The following EPHA3 variants were observed in gnomAD, a reference collection of about 807,000 sequenced individuals.
EPHA3 encodes the protein ephrin type-A receptor 3.
In EPHA3, 42 loss-of-function variants were observed where a neutral mutation model predicts 107.1. The ratio of observed to expected loss-of-function variants is 0.39; its 90% CI spans 0.31 to 0.51. EPHA3 has a LOEUF of 0.51. Ranked by LOEUF, EPHA3 falls within the 20% of genes least tolerant of loss-of-function variation. EPHA3 has a pLI of 0.78. For missense variants in EPHA3, 1,183 were observed against 1,211.2 expected (o/e 0.98, Z 0.35); for synonymous variants, 461 against 424.8 (o/e 1.09, Z -1.05).
intron 3 of EPHA3, among the ~76,000 whole-genome samples, chr3:89,315,710 C>T (rs1268014343): frequency 6.6e-6 from 1 of 151,396 alleles, no homozygotes; most frequent in African/African-American, 2.4e-5. Context: ...GCTGGATTTG[C>T]CTTGCAGTTA....
chr3:89,391,722 C>T (rs572722059), intron 5 of EPHA3, among the ~76,000 whole-genome samples: 13 of 151,976 alleles, frequency 8.6e-5, no homozygotes, highest in African/African-American at 3.1e-4. Context: ...CGTGAGCCAC[C>T]GCGCCCGGCC....
At chr3:89,474,304 A>G (rs1329547188) in intron 16 of EPHA3, among the ~76,000 whole-genome samples, 1 of 152,226 alleles carries the variant, frequency 6.6e-6, no homozygotes, top group East Asian at 1.9e-4. Flanking sequence ...ATGCACCAGC[A>G]TTCTTGTTCA....
intron 3 of EPHA3, among the ~76,000 whole-genome samples, chr3:89,278,825 G>A (rs1705872119): frequency 6.6e-6 from 1 of 152,134 alleles, no homozygotes; most frequent in Admixed American, 6.6e-5. Context: ...GCTAAAATGA[G>A]TGCAAATTAA....
intron 16 of EPHA3, among the ~76,000 whole-genome samples, chr3:89,476,920 G>A (rs928697386): frequency 1.1e-4 from 17 of 151,938 alleles, no homozygotes; most frequent in African/African-American, 4.1e-4. Context: ...GGAAAGGGAA[G>A]AGACAAAGGA....
intron 5 of EPHA3, among the ~76,000 whole-genome samples, chr3:89,380,517 C>A (rs1708480848): frequency 6.6e-6 from 1 of 152,098 alleles, no homozygotes; most frequent in African/African-American, 2.4e-5. Context: ...CCCTCATTTT[C>A]TTTTCTTACT....
intron 2 of EPHA3, among the ~76,000 whole-genome samples, chr3:89,132,460 C>G (rs1384136728): frequency 6.6e-6 from 1 of 151,968 alleles, no homozygotes; most frequent in Non-Finnish European, 1.5e-5. Context: ...TTTTTTGGTA[C>G]TTTAGTATGA....
intron 3 of EPHA3, among the ~76,000 whole-genome samples, chr3:89,256,928 G>A (rs888707320): frequency 6.6e-6 from 1 of 152,128 alleles, no homozygotes; most frequent in Non-Finnish European, 1.5e-5. Flanking sequence ...TGTTGCTAAA[G>A]GAGAATCTCT....
At position 89,305,961 on chromosome 3, in the gene EPHA3, A is replaced by C. The variant is rs754589661; in HGVS notation, c.815-34955A>C. ...GAAGTAAACAGAAAAGAAAAGGACTACATATTATGTGCAATGATCATAAAT... is the reference window on the plus strand; with the variant it reads ...GAAGTAAACAGAAAAGAAAAGGACTCCATATTATGTGCAATGATCATAAAT... On this transcript the variant is annotated intron_variant, in intron 3 of 16. Coordinates refer to ENST00000336596, the MANE Select transcript of EPHA3 (RefSeq NM_005233.6). 1.1e-4 allele frequency among the ~76,000 whole-genome samples: 16 copies of C among 152,308 alleles called. No individual in the cohort carries two copies. In the South Asian group the frequency reaches 1.7e-3, roughly 16 times the overall value.
chr3:89,172,586 G>A (rs781451630), intron 2 of EPHA3, among the ~76,000 whole-genome samples: 1 of 152,118 alleles, frequency 6.6e-6, no homozygotes, highest in Non-Finnish European at 1.5e-5. Context: ...TTGGTCACTC[G>A]ATTCAAGTGG....
chr3:89,235,537 A>C (rs1704738611), intron 3 of EPHA3, among the ~76,000 whole-genome samples: 1 of 152,018 alleles, frequency 6.6e-6, no homozygotes, highest in African/African-American at 2.4e-5. Context: ...CTTCATATGC[A>C]TGTAAGAGTG....
At chr3:89,139,718 G>A (rs538368308) in intron 2 of EPHA3, among the ~76,000 whole-genome samples, 24 of 151,764 alleles carry the variant, frequency 1.6e-4, no homozygotes, top group African/African-American at 5.3e-4. Context: ...AAGCAATTGA[G>A]GCTCAAGTAG....
At chr3:89,372,396 C>A (rs1323301178) in intron 5 of EPHA3, among the ~76,000 whole-genome samples, 2 of 151,560 alleles carry the variant, frequency 1.3e-5, no homozygotes, top group African/African-American at 4.8e-5. Flanking sequence ...CCTTTATATT[C>A]CAAGATATTT....
intron 3 of EPHA3, among the ~76,000 whole-genome samples, chr3:89,297,126 GGTT>G (rs1706372565): frequency 6.6e-6 from 1 of 152,076 alleles, no homozygotes; most frequent in Non-Finnish European, 1.5e-5. Context: ...TCAGCAATAA[GGTT>G]GTTTTATTTT....
Position 89,341,048 on chromosome 3 carries a change from ACCCTC to A in EPHA3, c.949_953del (p.Pro317IlefsTer17). Reference sequence around the variant, plus strand: ...AATAATTACTTCCGGGCAGACAAAGACCCTCCATCCATGGCTTGTACCCGTGAGTA... The same window carrying A: ...AATAATTACTTCCGGGCAGACAAAGACATCCATGGCTTGTACCCGTGAGTA... On this transcript the variant is annotated frameshift_variant, in exon 4 of 17. Transcript: ENST00000336596. LOFTEE classifies it high-confidence loss of function. The A allele has an allele frequency of 6.2e-7, 1 of 1,613,704 alleles. No individual in the cohort carries two copies. Among genetic ancestry groups the A allele is most frequent in the Non-Finnish European group, 8.5e-7 (1 of 1,179,922 alleles).
chr3:89,404,235 A>G (rs1172045860), intron 7 of EPHA3, among the ~76,000 whole-genome samples: 3 of 152,210 alleles, frequency 2.0e-5, no homozygotes, highest in African/African-American at 7.2e-5. Context: ...TTAGGCATTC[A>G]TCATCTATCA....
chr3:89,264,431 G>T (rs1401077279), intron 3 of EPHA3, among the ~76,000 whole-genome samples: 1 of 151,966 alleles, frequency 6.6e-6, no homozygotes, highest in Non-Finnish European at 1.5e-5. Context: ...CCTGTCCTAC[G>T]TTCTCTTCCC....
rs144998277 is a variant in EPHA3, at chr3:89,342,046, C to T, written c.1262C>T (p.Pro421Leu). ...AVNGVSELSS[P>L]PRQFAAVSIT... The stretch of plus-strand genomic sequence containing the variant: ...AATGGGGTGTCAGAGCTGAGCTCCC[C>T]ACCAAGACAGTTTGCTGCGGTCAGC... Residue 421 changes from proline (P) to leucine (L), a missense_variant, in exon 5 of 17, where the codon CCA becomes CTA. Physicochemically the swap from Pro to Leu is moderately conservative, Grantham distance 98. Coordinates refer to ENST00000336596, the MANE Select transcript of EPHA3 (RefSeq NM_005233.6). The T allele has an allele frequency of 1.9e-6, 3 of 1,611,390 alleles. No individual in the cohort carries two copies. Among genetic ancestry groups the T allele is most frequent in the Non-Finnish European group, 2.5e-6 (3 of 1,179,494 alleles).
rs1707967145 is a variant in EPHA3, at chr3:89,356,773, C to T, written c.1306+14683C>T. On this transcript the variant is annotated intron_variant, in intron 5 of 16. Transcript: ENST00000336596. Reference sequence around the variant, plus strand: ...ACTGATTGAAAGTTATATATATTGGCCTATATCTCTTAGTTGGGCTAGAAC... The same window carrying T: ...ACTGATTGAAAGTTATATATATTGGTCTATATCTCTTAGTTGGGCTAGAAC... Among the ~76,000 whole-genome samples the T allele has an allele frequency of 2.7e-5, 4 of 150,640 alleles. No homozygotes were observed. The South Asian group carries it at 8.4e-4, about 32-fold the overall frequency.
chr3:89,242,134 T>G (rs942746211), intron 3 of EPHA3, among the ~76,000 whole-genome samples: 2 of 152,196 alleles, frequency 1.3e-5, no homozygotes, highest in African/African-American at 4.8e-5. Flanking sequence ...ACTCAAAATC[T>G]AAAGAAGACG....
Sources: allele counts gnomAD v4.1 joint callset (sites outside exome capture counted in the v4.1 genomes callset), GRCh38; gene constraint gnomAD v4.1.1; transcripts MANE v1.5; gene names NCBI Gene and HGNC (gene_info 2026-07-23, HGNC 2026-07-21).